Variants in ACTN1 observed in about 807,000 individuals in gnomAD.
The protein encoded by ACTN1 is alpha-actinin-1.
Under a neutral mutation model 119.6 loss-of-function variants are expected in ACTN1, and 30 were observed. The observed-to-expected ratio is 0.25, with a 90% CI of 0.19 to 0.34. The LOEUF (loss-of-function observed/expected upper bound fraction) is 0.34. Ranked by LOEUF, ACTN1 falls within the 10% of genes least tolerant of loss-of-function variation. The probability of loss-of-function intolerance (pLI) is 1.00; values close to 1 mark genes in which losing one functional copy is unlikely to be tolerated. For synonymous variants in ACTN1, 429 were observed against 472.6 expected, an observed-to-expected ratio of 0.91 and a Z score of 1.20; for missense variants, 764 against 1,223.4, an observed-to-expected ratio of 0.62 and a Z score of 5.60.
At chr14:68,950,964 T>G (rs1315967513) in intron 1 of ACTN1, among the ~76,000 whole-genome samples, 1 of 152,204 alleles carries the variant, frequency 6.6e-6, no homozygotes, top group Admixed American at 6.5e-5. Context: ...GACCTCCAGT[T>G]AGAGGGGGGC....
intron 1 of ACTN1, among the ~76,000 whole-genome samples, chr14:68,942,189 C>A (rs2035781698): frequency 6.7e-6 from 1 of 149,138 alleles, no homozygotes; most frequent in Non-Finnish European, 1.5e-5. Flanking sequence ...GGAACCTACG[C>A]AACAGGCAAA....
In ACTN1 at chr14:68,885,262, C is replaced by T. The variant is rs927234243; in HGVS notation, c.1385+163G>A. Among the ~76,000 whole-genome samples, 5 of 152,108 alleles carry T rather than the reference C, an allele frequency of 3.3e-5. No individual in the cohort carries two copies. Among genetic ancestry groups the T allele is most frequent in the Non-Finnish European group, 7.4e-5 (5 of 68,020 alleles). On this transcript the variant is annotated intron_variant, in intron 12 of 21. Transcript: ENST00000394419. This position sits in a 1 kb window ranked among gnomAD's most constrained non-coding sequence, Gnocchi z 5.6. The stretch of plus-strand genomic sequence containing the variant: ...GCAGTGGTCCCGGGCTCCTTCCCCA[C>T]CAGGAGAGATATTTGTCTCCTGCGT...
chr14:68,889,625 A>G (rs2140141739), intron 11 of ACTN1, among the ~76,000 whole-genome samples: 1 of 152,308 alleles, frequency 6.6e-6, no homozygotes, highest in South Asian at 2.1e-4. Flanking sequence ...TGAAACTAAA[A>G]ATACAAAAAT....
At position 68,902,566 on chromosome 14, in the gene ACTN1, T is replaced by C. The variant is rs758717818; in HGVS notation, c.677-4A>G. 1.2e-6 allele frequency: 2 copies of C among 1,613,292 alleles called. No individual in the cohort carries two copies. The highest frequency in any genetic ancestry group is 1.3e-5 in the African/African-American group (1 of 74,958). On this transcript the variant is annotated splice_region_variant and splice_polypyrimidine_tract_variant and intron_variant, in intron 7 of 21. Transcript: ENST00000394419. Reference sequence around the variant, plus strand: ...GGTCGGGCAGTTCCAACGATGTCTGTCAAGAAAAATCTGGAGTTAAAGCCA... The same window carrying C: ...GGTCGGGCAGTTCCAACGATGTCTGCCAAGAAAAATCTGGAGTTAAAGCCA...
At position 68,884,328 on chromosome 14, in the gene ACTN1, T is replaced by C. The variant is rs777648989; in HGVS notation, c.1495-20A>G. Reference sequence around the variant, plus strand: ...GGTCCGCTGGGAGTGCCAAATAGGGTAAGGGTTAGTACAGTGATGTCCAGA... The same window carrying C: ...GGTCCGCTGGGAGTGCCAAATAGGGCAAGGGTTAGTACAGTGATGTCCAGA... On this transcript the variant is annotated intron_variant, in intron 13 of 21. Coordinates refer to ENST00000394419, the MANE Select transcript of ACTN1 (RefSeq NM_001130004.2). 2 of 1,611,456 alleles carry C rather than the reference T, an allele frequency of 1.2e-6. No homozygotes were observed. Among genetic ancestry groups the C allele is most frequent in the Admixed American group, 3.3e-5 (2 of 59,840 alleles).
At chr14:68,934,268 T>C (rs924994196) in intron 1 of ACTN1, among the ~76,000 whole-genome samples, 9 of 152,256 alleles carry the variant, frequency 5.9e-5, no homozygotes, top group African/African-American at 2.2e-4. Context: ...ACATCAGCCA[T>C]CTGGGAGTCG....
intron 1 of ACTN1, among the ~76,000 whole-genome samples, chr14:68,938,614 T>G (rs1346131040): frequency 6.6e-6 from 1 of 152,148 alleles, no homozygotes; most frequent in East Asian, 1.9e-4. Flanking sequence ...CACCACTCAC[T>G]GGCTGTGTGG....
At position 68,902,461 on chromosome 14, in the gene ACTN1, AG is replaced by A. The variant is rs755226912; in HGVS notation, c.762+15del. 5 of 1,610,818 alleles carry A rather than the reference AG, an allele frequency of 3.1e-6. No homozygotes were observed. The highest frequency in any genetic ancestry group is 4.2e-6 in the Non-Finnish European group (5 of 1,177,352). Reference sequence around the variant, plus strand: ...GAGGTGTGCTGGGCATGGAAGGAGCAGGGGGCCCCGGGTACCTTCTGGGCTC... The same window carrying A: ...GAGGTGTGCTGGGCATGGAAGGAGCAGGGGCCCCGGGTACCTTCTGGGCTC... On this transcript the variant is annotated intron_variant, in intron 8 of 21. Coordinates refer to ENST00000394419, the MANE Select transcript of ACTN1 (RefSeq NM_001130004.2).
rs552107931 is a variant in ACTN1, at chr14:68,885,856, C to A, written c.1235-281G>T. 15 of 359,178 alleles carry A rather than the reference C, an allele frequency of 4.2e-5. No individual in the cohort carries two copies. Among genetic ancestry groups the A allele is most frequent in the Non-Finnish European group, 7.3e-5 (14 of 191,646 alleles). The allele number at this position is 359,178 out of a possible 1,614,324, so 22.2% of individuals were successfully genotyped here. On this transcript the variant is annotated intron_variant, in intron 11 of 21. Coordinates refer to ENST00000394419, the MANE Select transcript of ACTN1 (RefSeq NM_001130004.2). The surrounding 1 kb of genome is among the most constrained non-coding windows in gnomAD (Gnocchi z 5.6). ...GTCTGTGGGAATGCATAGGGCATGACGCTATACACACAGCGGGAAACACAG... is the reference window on the plus strand; with the variant it reads ...GTCTGTGGGAATGCATAGGGCATGAAGCTATACACACAGCGGGAAACACAG...
chr14:68,880,918 C>T lies in ACTN1; in HGVS notation c.2025G>A (p.Glu675=). ...EDQLSHLRQY[E]KSIVNYKPKI... is the part of the protein sequence containing the mutation. ...TTGGCTTGTAGTTGACGATGCTCTT[C>T]TCATACTGCCGCAGGTGGCTGAGCT... Residue 675 remains glutamate (E), a synonymous_variant, in exon 17 of 22, where the codon GAG becomes GAA. Transcript: ENST00000394419. This position sits in a 1 kb window ranked among gnomAD's most constrained non-coding sequence, Gnocchi z 4.6. 2 of 1,614,144 alleles carry T rather than the reference C, an allele frequency of 1.2e-6. No homozygotes were observed. Among genetic ancestry groups the T allele is most frequent in the Non-Finnish European group, 1.7e-6 (2 of 1,180,002 alleles).
chr14:68,877,520 T>G (rs920079878), intron 20 of ACTN1: 49 of 439,496 alleles, frequency 1.1e-4, no homozygotes, highest in Non-Finnish European at 1.9e-4. Flanking sequence ...TAACAATGGC[T>G]GACACCTATG....
intron 1 of ACTN1, among the ~76,000 whole-genome samples, chr14:68,928,862 G>A (rs1349877190): frequency 6.6e-6 from 1 of 152,102 alleles, no homozygotes; most frequent in Non-Finnish European, 1.5e-5. Context: ...ACCACGCGCT[G>A]TACTGTTTCC....
intron 8 of ACTN1, among the ~76,000 whole-genome samples, chr14:68,897,616 C>T (rs1418301308): frequency 6.6e-6 from 1 of 152,214 alleles, no homozygotes; most frequent in Non-Finnish European, 1.5e-5. Flanking sequence ...ATGAATGCCA[C>T]GAGGATCTCA....
chr14:68,967,810 G>T (rs1329400702), intron 1 of ACTN1, among the ~76,000 whole-genome samples: 1 of 152,158 alleles, frequency 6.6e-6, no homozygotes, highest in African/African-American at 2.4e-5. Context: ...GCTCATCGTG[G>T]CTCCCCACAT....
At chr14:68,913,624 G>A (rs985579149) in intron 3 of ACTN1, among the ~76,000 whole-genome samples, 14 of 152,152 alleles carry the variant, frequency 9.2e-5, no homozygotes, top group African/African-American at 3.1e-4. Context: ...AGTCCATGGA[G>A]CAGTGCTTGG....
chr14:68,934,249 G>A (rs1232538331), intron 1 of ACTN1, among the ~76,000 whole-genome samples: 1 of 152,262 alleles, frequency 6.6e-6, no homozygotes, highest in East Asian at 1.9e-4. Context: ...CTCCTGACAG[G>A]TCTTGGGGAC....
intron 1 of ACTN1, among the ~76,000 whole-genome samples, chr14:68,933,296 G>C (rs375863615): frequency 1.3e-5 from 2 of 151,976 alleles, no homozygotes; most frequent in African/African-American, 4.8e-5. Flanking sequence ...ACCATACCTG[G>C]GTAATTTTTT....
Position 68,902,186 on chromosome 14 carries a change from G to A in ACTN1, c.762+291C>T, listed in dbSNP as rs115226157. 2.2e-3 allele frequency among the ~76,000 whole-genome samples: 331 copies of A among 152,300 alleles called. 2 individuals are homozygous for A. The highest frequency in any genetic ancestry group is 0.014 in the Middle Eastern group (4 of 294). On this transcript the variant is annotated intron_variant, in intron 8 of 21. Transcript: ENST00000394419. Reference sequence around the variant, plus strand: ...TTCAGTAGCCTTCCAGAACCACCCCGGCTGCCTCATGCACACAGCCCTTCC... The same window carrying A: ...TTCAGTAGCCTTCCAGAACCACCCCAGCTGCCTCATGCACACAGCCCTTCC...
Position 68,884,323 on chromosome 14 carries a change from T to C in ACTN1, c.1495-15A>G, listed in dbSNP as rs758092035. Reference sequence around the variant, plus strand: ...TTCTCGGTCCGCTGGGAGTGCCAAATAGGGTAAGGGTTAGTACAGTGATGT... The same window carrying C: ...TTCTCGGTCCGCTGGGAGTGCCAAACAGGGTAAGGGTTAGTACAGTGATGT... On this transcript the variant is annotated splice_polypyrimidine_tract_variant and intron_variant, in intron 13 of 21. Transcript: ENST00000394419. The C allele has an allele frequency of 4.3e-6, 7 of 1,613,076 alleles. No homozygotes were observed. The South Asian group carries it at 6.6e-5, about 15-fold the overall frequency.
Sources: gnomAD v4.1 joint callset for allele counts (sites outside exome capture counted in the v4.1 genomes callset) on GRCh38, gnomAD v4.1.1 for gene constraint, Gnocchi (gnomAD v3.1) non-coding constraint, MANE v1.5 for transcripts, NCBI Gene and HGNC (gene_info 2026-07-23, HGNC 2026-07-21) for gene names.